The following GGA2 variants were observed in gnomAD, a reference collection of about 807,000 sequenced individuals.
GGA2 encodes the protein ADP-ribosylation factor-binding protein GGA2.
Under a neutral mutation model 79.5 loss-of-function variants are expected in GGA2, and 48 were observed. The ratio of observed to expected loss-of-function variants is 0.60; its 90% CI spans 0.48 to 0.77. The LOEUF is 0.77. Ranked by LOEUF, GGA2 falls within the 30% of genes least tolerant of loss-of-function variation. The pLI, the probability that GGA2 is intolerant of heterozygous loss-of-function variation, is 0.00. For missense variants in GGA2, 770 were observed against 774.0 expected, an observed-to-expected ratio of 0.99 and a Z score of 0.06; for synonymous variants, 317 against 302.0, an observed-to-expected ratio of 1.05 and a Z score of -0.51.
chr16:23,474,827 C>G (rs776036665), intron 14 of GGA2, 77 bp downstream of exon 14: 166 of 1,098,944 alleles, frequency 1.5e-4, no homozygotes, highest in Non-Finnish European at 2.2e-4. Context: ...CTCTATCAAA[C>G]TGGAGTGGAA....
chr16:23,493,476 C>T lies in GGA2; in HGVS notation c.253-18G>A, dbSNP rs775803198. ...TCCAGCACCTGCACAGACACAGGAC[C>T]CCCAGGAGAAGGTGGAAAGCCAGTG... On this transcript the variant is annotated intron_variant, in intron 3 of 16. Coordinates refer to ENST00000309859, the MANE Select transcript of GGA2 (RefSeq NM_015044.4). 7 of 1,519,940 alleles carry T rather than the reference C, an allele frequency of 4.6e-6. No homozygotes were observed. The highest frequency in any genetic ancestry group is 4.6e-6 in the Non-Finnish European group (5 of 1,093,986). 94.2% of individuals were successfully genotyped at this position (1,519,940 alleles called of 1,614,324 possible).
At chr16:23,494,687 G>C (rs1197679998) in intron 2 of GGA2, among the ~76,000 whole-genome samples, 2 of 152,224 alleles carry the variant, frequency 1.3e-5, no homozygotes, top group African/African-American at 4.8e-5. Context: ...CAGCAGCACA[G>C]GCCCTGTATG....
intron 1 of GGA2, among the ~76,000 whole-genome samples, chr16:23,497,131 C>T (rs1251696247): frequency 6.6e-6 from 1 of 151,270 alleles, no homozygotes; most frequent in African/African-American, 2.4e-5. Flanking sequence ...AACAACCACC[C>T]TTCCAACTCC....
upstream of GGA2, chr16:23,523,152 A>G (rs1965168033): frequency 6.6e-6 from 1 of 152,294 alleles, no homozygotes; most frequent in African/African-American, 2.4e-5. Flanking sequence ...TGAATAGAAG[A>G]AGGCAGGGAT....
chr16:23,521,329 AT>A (rs147218508), intron 1 of GGA2, among the ~76,000 whole-genome samples: 2,235 of 152,260 alleles, frequency 0.015, 23 homozygotes, highest in South Asian at 0.019. Context: ...TTCTGCCTGT[AT>A]AATTTTGATT....
chr16:23,521,084 G>A (rs980690736), intron 1 of GGA2, among the ~76,000 whole-genome samples: 3 of 152,074 alleles, frequency 2.0e-5, no homozygotes, highest in Non-Finnish European at 4.4e-5. Context: ...GAGCCACCAG[G>A]CCCAGCTCTA....
chr16:23,478,682 G>A (rs1256618078), intron 12 of GGA2, 181 bp from the exon 13 acceptor site: 1 of 748,194 alleles, frequency 1.3e-6, no homozygotes, highest in Admixed American at 2.0e-5. Context: ...AGACCTCCAG[G>A]AAGCAGGAGC....
In GGA2 at chr16:23,480,729, G is replaced by C; in HGVS notation, c.922C>G (p.Leu308Val). Residue 308 changes from leucine (L) to valine (V), a missense_variant, in exon 10 of 17, where the codon CTG becomes GTG. Leu to Val is a conservative substitution (Grantham distance 32, BLOSUM62 1). Transcript: ENST00000309859. Reference sequence around the variant, plus strand: ...CCCTCCATCACCTGTTTGTACAGCAGAACTCCTTGGGTGAGGAGGTCATTT... The same window carrying C: ...CCCTCCATCACCTGTTTGTACAGCACAACTCCTTGGGTGAGGAGGTCATTT... ...QANDLLTQGV[L>V]LYKQVMEGRV... is the part of the protein sequence containing the mutation. 1.9e-6 allele frequency: 3 copies of C among 1,613,260 alleles called. No individual in the cohort carries two copies. The highest frequency in any genetic ancestry group is 2.5e-6 in the Non-Finnish European group (3 of 1,179,164).
chr16:23,486,046 C>A lies in GGA2; in HGVS notation c.767G>T (p.Gly256Val). 1 of 1,614,184 alleles carries A rather than the reference C, an allele frequency of 6.2e-7. No homozygotes were observed. Among genetic ancestry groups the A allele is most frequent in the Non-Finnish European group, 8.5e-7 (1 of 1,180,032 alleles). The change falls in exon 8 of 17, where the codon GGG becomes GTG. Residue 256 changes from glycine (G) to valine (V), a missense_variant. Physicochemically the swap from Gly to Val is moderately radical, Grantham distance 109 (BLOSUM62 -3). Coordinates refer to ENST00000309859, the MANE Select transcript of GGA2 (RefSeq NM_015044.4). ...GGCCTCCTGGTCGGGCGGGGCCTGC[C>A]CTGGCCTGCGGTACATGCTCAGCAT... ...QEMLSMYRRPGQAPPDQEALQ... is the reference protein window; with the variant it reads ...QEMLSMYRRPVQAPPDQEALQ...
At chr16:23,520,230 GCAA>G in intron 1 of GGA2, among the ~76,000 whole-genome samples, 1 of 117,072 alleles carries the variant, frequency 8.5e-6, no homozygotes. Context: ...GCCAGCCTGG[GCAA>G]CAAGAGTGAA....
chr16:23,465,122 G>GGTGCCTGGCTCAGGGTA lies in GGA2; in HGVS notation c.*2451_*2467dup. 1 of 583,614 alleles carries GGTGCCTGGCTCAGGGTA rather than the reference G, an allele frequency of 1.7e-6. No individual in the cohort carries two copies. Among genetic ancestry groups the GGTGCCTGGCTCAGGGTA allele is most frequent in the Non-Finnish European group, 3.0e-6 (1 of 328,050 alleles). 36.2% of individuals were successfully genotyped at this position (583,614 alleles called of 1,614,324 possible). A position where few individuals can be genotyped will look rare whatever the true frequency, so the allele number is the denominator to read the frequency against. On this transcript the variant is annotated 3_prime_UTR_variant, in exon 17 of 17. Coordinates refer to ENST00000309859, the MANE Select transcript of GGA2 (RefSeq NM_015044.4). Reference sequence around the variant, plus strand: ...AGAGGAAAAGAAGCTCCTTCAGGGTGGTGCCTGGCTCAGGGTAGCTGGTCA... The same window carrying GGTGCCTGGCTCAGGGTA: ...AGAGGAAAAGAAGCTCCTTCAGGGTGGTGCCTGGCTCAGGGTAGTGCCTGGCTCAGGGTAGCTGGTCA...
chr16:23,495,240 A>G (rs1964840567), intron 2 of GGA2: 1 of 152,896 alleles, frequency 6.5e-6, no homozygotes, highest in Non-Finnish European at 1.5e-5. Context: ...AATGGTGGAG[A>G]ATACACAGAT....
At chr16:23,497,754 G>A (rs1964874668) in intron 1 of GGA2, among the ~76,000 whole-genome samples, 1 of 152,092 alleles carries the variant, frequency 6.6e-6, no homozygotes, top group African/African-American at 2.4e-5. Context: ...TATTTTATCT[G>A]CCCCTTCTCC....
chr16:23,481,688 G>A (rs190906587), intron 9 of GGA2, among the ~76,000 whole-genome samples: 92 of 152,200 alleles, frequency 6.0e-4, no homozygotes, highest in African/African-American at 2.1e-3. Context: ...CATGAGAATC[G>A]CTTGAACACA....
intron 14 of GGA2, among the ~76,000 whole-genome samples, chr16:23,474,353 G>A (rs1210801087): frequency 1.3e-5 from 2 of 151,936 alleles, no homozygotes; most frequent in African/African-American, 4.8e-5. Flanking sequence ...AAAAGACAAA[G>A]AAGCAAACTT....
intron 1 of GGA2, among the ~76,000 whole-genome samples, chr16:23,520,037 G>A (rs981318508): frequency 2.0e-5 from 3 of 152,042 alleles, no homozygotes; most frequent in African/African-American, 7.2e-5. Context: ...ACCTGAGGTC[G>A]GCAGTTTGAG....
chr16:23,500,309 G>A (rs922090339), intron 1 of GGA2, among the ~76,000 whole-genome samples: 2 of 152,238 alleles, frequency 1.3e-5, no homozygotes. Context: ...CTACCGGAGA[G>A]GAGCCAGGAG....
Position 23,479,758 on chromosome 16 carries a change from C to A in GGA2, c.1129+7G>T. 6.2e-7 allele frequency: 1 copy of A among 1,613,786 alleles called. No individual in the cohort carries two copies. The highest frequency in any genetic ancestry group is 1.7e-4 in the Middle Eastern group (1 of 5,896). On this transcript the variant is annotated splice_region_variant and intron_variant, in intron 11 of 16. Transcript: ENST00000309859. Reference sequence around the variant, plus strand: ...TGTGCCTGCTCCCCACAAGCACCTGCCCTCACCCAAGGCTGCCAGGTCCTG... The same window carrying A: ...TGTGCCTGCTCCCCACAAGCACCTGACCTCACCCAAGGCTGCCAGGTCCTG...
chr16:23,507,459 C>T (rs948169149), intron 1 of GGA2, among the ~76,000 whole-genome samples: 3 of 152,302 alleles, frequency 2.0e-5, no homozygotes, highest in Non-Finnish European at 4.4e-5. Context: ...GAAACCCTAT[C>T]GCTACTAAAA....
Sources: allele counts gnomAD v4.1 joint callset (sites outside exome capture counted in the v4.1 genomes callset), GRCh38; gene constraint gnomAD v4.1.1; transcripts MANE v1.5; gene names NCBI Gene and HGNC (gene_info 2026-07-23, HGNC 2026-07-21).